MACROH2A1: variants seen among roughly 807,000 people sequenced by gnomAD.
The protein encoded by MACROH2A1 is core histone macro-H2A.1.
In MACROH2A1, 2 loss-of-function variants were observed where a neutral mutation model predicts 31.6. That is an observed-to-expected ratio of 0.06 (90% CI 0.03 to 0.20). MACROH2A1 has a LOEUF of 0.20. MACROH2A1 is among the 10% of genes least tolerant of loss of function. The pLI is 1.00. For missense variants in MACROH2A1, 230 were observed against 474.0 expected (o/e 0.49, Z 4.78); for synonymous variants, 169 against 189.6 (o/e 0.89, Z 0.89).
intron 2 of MACROH2A1, among the ~76,000 whole-genome samples, chr5:135,380,057 A>G (rs765425286): frequency 2.6e-5 from 4 of 152,170 alleles, no homozygotes; most frequent in Non-Finnish European, 5.9e-5. Context: ...TTAAAAATCC[A>G]GGGGTCTAGT....
chr5:135,339,210 C>G (rs977353724), intron 8 of MACROH2A1, among the ~76,000 whole-genome samples: 1 of 152,192 alleles, frequency 6.6e-6, no homozygotes, highest in Non-Finnish European at 1.5e-5. Context: ...TTGCCTTTCC[C>G]AAGAGTCCTG....
At chr5:135,350,720 G>A (rs1402016854) in intron 6 of MACROH2A1, 1 of 705,636 alleles carries the variant, frequency 1.4e-6, no homozygotes, top group African/African-American at 1.7e-5. Context: ...AGCTGGAAGT[G>A]TGAAATGAAT....
intron 6 of MACROH2A1, chr5:135,351,011 T>G: frequency 1.3e-6 from 1 of 779,542 alleles, no homozygotes; most frequent in Non-Finnish European, 2.2e-6. Context: ...GCCTACCTGG[T>G]CGATTCCAAC....
At chr5:135,355,158 T>A (rs1762023754) in intron 5 of MACROH2A1, 2 of 455,950 alleles carry the variant, frequency 4.4e-6, no homozygotes, top group South Asian at 3.1e-5. Flanking sequence ...TCTGACTCTC[T>A]TCGCGGGAGA....
intron 2 of MACROH2A1, among the ~76,000 whole-genome samples, chr5:135,375,711 A>G (rs1005241164): frequency 6.6e-6 from 1 of 152,228 alleles, no homozygotes; most frequent in Non-Finnish European, 1.5e-5. Flanking sequence ...ACTGAAAATA[A>G]CAACCAGAAA....
intron 6 of MACROH2A1, chr5:135,350,636 T>C: frequency 1.9e-6 from 1 of 517,422 alleles, no homozygotes; most frequent in South Asian, 2.8e-5. Context: ...TCAGCCAGGA[T>C]GCATGACATC....
At chr5:135,380,688 A>G (rs1443295435) in intron 2 of MACROH2A1, among the ~76,000 whole-genome samples, 2 of 152,180 alleles carry the variant, frequency 1.3e-5, no homozygotes, top group African/African-American at 4.8e-5. Context: ...TTCTCCCAAG[A>G]TCTTGGCCCA....
At chr5:135,343,127 T>G in intron 8 of MACROH2A1, 133 bp downstream of exon 8, 5 of 1,576,380 alleles carry the variant, frequency 3.2e-6, no homozygotes, top group Non-Finnish European at 3.4e-6. Flanking sequence ...TTCTTCCCTG[T>G]GTTGTGCTTC....
chr5:135,370,473 T>C (rs1406469139), intron 2 of MACROH2A1, among the ~76,000 whole-genome samples: 1 of 152,210 alleles, frequency 6.6e-6, no homozygotes, highest in East Asian at 1.9e-4. Context: ...GTGCTTGCAG[T>C]TAGCACTGCA....
intron 6 of MACROH2A1, 54 bp downstream of exon 6, chr5:135,352,892 G>T: frequency 1.0e-6 from 1 of 962,128 alleles, no homozygotes; most frequent in Non-Finnish European, 1.7e-6. Context: ...TAAATTCTGG[G>T]TTCCATAACT....
Position 135,363,310 on chromosome 5 carries a change from T to C in MACROH2A1, c.478-2703A>G, listed in dbSNP as rs565162527. ...GACAAGCCATCACTGCCTGGTCCTA[T>C]ATAGCCTGCCCACTTGGCAAAAAAC... On this transcript the variant is annotated intron_variant, in intron 4 of 8. Transcript: ENST00000511689. 3.9e-5 allele frequency among the ~76,000 whole-genome samples: 6 copies of C among 152,320 alleles called. No homozygotes were observed. The South Asian group carries it at 1.2e-3, about 32-fold the overall frequency.
At chr5:135,343,732 T>C (rs1760338361) in intron 7 of MACROH2A1, 6 of 408,216 alleles carry the variant, frequency 1.5e-5, no homozygotes, top group Non-Finnish European at 2.7e-5. Flanking sequence ...CAGAGCCTTA[T>C]CCATCAAAAC....
At chr5:135,358,801 A>G (rs762213667) in intron 5 of MACROH2A1, 657 of 984,978 alleles carry the variant, frequency 6.7e-4, no homozygotes, top group Non-Finnish European at 6.8e-4. Context: ...TATTAGCCAA[A>G]ATTTTACTCT....
chr5:135,381,148 G>A (rs938107431), intron 2 of MACROH2A1, among the ~76,000 whole-genome samples: 1 of 152,214 alleles, frequency 6.6e-6, no homozygotes, highest in African/African-American at 2.4e-5. Context: ...ATTCAATTGT[G>A]TTTGGATAAC....
At chr5:135,339,559 G>A (rs1561568842) in intron 8 of MACROH2A1, among the ~76,000 whole-genome samples, 1 of 152,188 alleles carries the variant, frequency 6.6e-6, no homozygotes, top group East Asian at 1.9e-4. Flanking sequence ...GACAGATTGC[G>A]AGCTTGCAAT....
At chr5:135,383,703 GTGT>G (rs1765988726) in intron 2 of MACROH2A1, among the ~76,000 whole-genome samples, 3 of 75,826 alleles carry the variant, frequency 4.0e-5, no homozygotes, top group African/African-American at 1.8e-4. Context: ...GTGGTGTGGT[GTGT>G]GTGTGTGTGT....
At chr5:135,367,938 T>C (rs1174833127) in intron 4 of MACROH2A1, among the ~76,000 whole-genome samples, 6 of 152,190 alleles carry the variant, frequency 3.9e-5, no homozygotes, top group Non-Finnish European at 8.8e-5. Flanking sequence ...GCTAATTCTA[T>C]AGTTAGCAGG....
chr5:135,357,867 C>A, intron 5 of MACROH2A1: 1 of 985,296 alleles, frequency 1.0e-6, no homozygotes, highest in East Asian at 1.1e-4. Flanking sequence ...GGCTCCTAAG[C>A]CTGGGCCATG....
At position 135,398,544 on chromosome 5, in the gene MACROH2A1, A is replaced by G. The variant is rs1369562237; in HGVS notation, c.-34+518T>C. Among the ~76,000 whole-genome samples, 1 of 152,184 alleles carries G rather than the reference A, an allele frequency of 6.6e-6. No individual in the cohort carries two copies. Among genetic ancestry groups the G allele is most frequent in the African/African-American group, 2.4e-5 (1 of 41,454 alleles). On this transcript the variant is annotated intron_variant, in intron 1 of 8. Transcript: ENST00000511689. The surrounding 1 kb of genome is among the most constrained non-coding windows in gnomAD (Gnocchi z 4.6). Reference sequence around the variant, plus strand: ...CGCCTTCCCCTCCCTGCAGATAGCGAGCCAGACGCCTACACCTCGGCCCCC... The same window carrying G: ...CGCCTTCCCCTCCCTGCAGATAGCGGGCCAGACGCCTACACCTCGGCCCCC...
Sources: allele counts gnomAD v4.1 joint callset (sites outside exome capture counted in the v4.1 genomes callset), GRCh38; gene constraint gnomAD v4.1.1; non-coding constraint Gnocchi (gnomAD v3.1); transcripts MANE v1.5; gene names NCBI Gene and HGNC (gene_info 2026-07-23, HGNC 2026-07-21).